The following GCN1 variants were observed in gnomAD, a reference collection of about 807,000 sequenced individuals.
GCN1 encodes the protein GCN1 activator of EIF2AK4, also known as stalled ribosome sensor GCN1.
A neutral mutation model predicts 288.4 loss-of-function variants in GCN1; 90 were observed. That is an observed-to-expected ratio of 0.31 (90% CI 0.26 to 0.37). The LOEUF (loss-of-function observed/expected upper bound fraction) is 0.37, where lower values mean the gene tolerates loss of function less well. GCN1 is among the 10% of genes least tolerant of loss of function. The probability of loss-of-function intolerance (pLI) is 1.00; values close to 1 mark genes in which losing one functional copy is unlikely to be tolerated. For synonymous variants in GCN1, 1,386 were observed against 1,420.2 expected (o/e 0.98, Z 0.54); for missense variants, 2,586 against 3,419.9 (o/e 0.76, Z 6.08).
intron 12 of GCN1, among the ~76,000 whole-genome samples, chr12:120,174,505 C>G (rs1878414316): frequency 6.6e-6 from 1 of 152,108 alleles, no homozygotes; most frequent in African/African-American, 2.4e-5. Context: ...AGCTTATCTA[C>G]TACTAGGCCA....
Position 120,151,185 on chromosome 12 carries a change from A to C in GCN1, c.4269T>G (p.Thr1423=). The change falls in exon 34 of 58, where the codon ACT becomes ACG. Residue 1423 remains threonine, a synonymous_variant. Coordinates refer to ENST00000300648, the MANE Select transcript of GCN1 (RefSeq NM_006836.2). ...AGTTCTTCTTATCTTGGATGGCATC[A>C]GTCAGTGCCGCCATCATCTCCTGTT... ...LKQQEMMAAL[T]DAIQDKKNFR... The C allele has an allele frequency of 6.2e-7, 1 of 1,614,084 alleles. No individual in the cohort carries two copies. The highest frequency in any genetic ancestry group is 8.5e-7 in the Non-Finnish European group (1 of 1,180,020).
rs750058877 is a variant in GCN1, at chr12:120,144,325, C to G, written c.5476G>C (p.Asp1826His). The change falls in exon 42 of 58, where the codon GAT (aspartate) becomes CAT (histidine). Residue 1826 changes from aspartate (D) to histidine (H), a missense_variant. By Grantham distance (81) the Asp-to-His change is moderately conservative. Coordinates refer to ENST00000300648, the MANE Select transcript of GCN1 (RefSeq NM_006836.2). The surrounding 1 kb of genome is among the most constrained non-coding windows in gnomAD (Gnocchi z 4.7). ...TCTCACCTGATTCTCCAAAGGTCAT[C>G]AAAGAGGCCTTGCTCTAGCTGGGGC... ...LLPQLEQGLF[D>H]DLWRIRFSSV... 2.5e-6 allele frequency: 4 copies of G among 1,614,094 alleles called. No individual in the cohort carries two copies. Among genetic ancestry groups the G allele is most frequent in the Non-Finnish European group, 3.4e-6 (4 of 1,180,040 alleles).
chr12:120,185,027 G>A (rs1878777405), intron 2 of GCN1, 140 bp from the exon 3 acceptor site: 1 of 648,914 alleles, frequency 1.5e-6, no homozygotes, highest in Non-Finnish European at 2.8e-6. Flanking sequence ...AGAGGAAAAA[G>A]CAACAACAAA....
In GCN1 at chr12:120,184,109, T is replaced by C; in HGVS notation, c.317+3A>G. The C allele has an allele frequency of 6.2e-7, 1 of 1,611,338 alleles. No homozygotes were observed. The highest frequency in any genetic ancestry group is 1.1e-5 in the South Asian group (1 of 90,866). On this transcript the variant is annotated splice_donor_region_variant and intron_variant, in intron 4 of 57. Transcript: ENST00000300648. ...TCAGGGGGCCACAACTTTTACCTCT[T>C]ACCTGGGAACACCTGCTTTGGAGCC...
chr12:120,133,109 G>A (rs1051595454), intron 53 of GCN1, among the ~76,000 whole-genome samples: 2 of 152,208 alleles, frequency 1.3e-5, no homozygotes, highest in South Asian at 2.1e-4. Context: ...GCTGGAGTCC[G>A]ACAGCTGGCG....
chr12:120,142,642 C>T lies in GCN1; in HGVS notation c.5694G>A (p.Leu1898=), dbSNP rs369342369. 76 of 1,613,966 alleles carry T rather than the reference C, an allele frequency of 4.7e-5. No homozygotes were observed. The highest frequency in any genetic ancestry group is 6.3e-5 in the Non-Finnish European group (74 of 1,180,026). ...CATGCAGGGACGCCTGCCGCACCAC[C>T]AGCTGGGTGTCTGAGCGGCCCATGT... The part of the protein sequence containing the change: ...GLYMGRSDTQ[L]VVRQASLHVW... Residue 1898 remains leucine (L), a synonymous_variant, in exon 44 of 58, where the codon CTG becomes CTA. Coordinates refer to ENST00000300648, the MANE Select transcript of GCN1 (RefSeq NM_006836.2). The surrounding 1 kb of genome is among the most constrained non-coding windows in gnomAD (Gnocchi z 4.9).
At chr12:120,160,947 A>G (rs1433580977) in intron 22 of GCN1, among the ~76,000 whole-genome samples, 1 of 152,216 alleles carries the variant, frequency 6.6e-6, no homozygotes, top group Non-Finnish European at 1.5e-5. Flanking sequence ...GATAGGGTGG[A>G]CAAGCTGGCC....
intron 45 of GCN1, 23 bp downstream of exon 45, chr12:120,140,836 C>T (rs1412538929): frequency 2.5e-6 from 4 of 1,607,766 alleles, no homozygotes; most frequent in East Asian, 4.5e-5. Context: ...GCACAGCTGG[C>T]GGGATCCTTG....
chr12:120,157,009 G>A lies in GCN1; in HGVS notation c.3088-17C>T. 3 of 1,589,512 alleles carry A rather than the reference G, an allele frequency of 1.9e-6. No individual in the cohort carries two copies. Among genetic ancestry groups the A allele is most frequent in the Admixed American group, 3.3e-5 (2 of 59,956 alleles). ...CGGGCCATTCTAGGAGAGAACGGCA[G>A]GTAAGTCGAGATGAGGCTGTGGGGA... On this transcript the variant is annotated splice_polypyrimidine_tract_variant and intron_variant, in intron 26 of 57. Transcript: ENST00000300648.
In GCN1 at chr12:120,137,121, T is replaced by C. The variant is rs1007746276; in HGVS notation, c.6777+85A>G. ...CCACGGCTACTGCTCCAGCAGCCCC[T>C]ACCGCAGACCTGGGACAGGGGTAAG... On this transcript the variant is annotated intron_variant, in intron 50 of 57. Transcript: ENST00000300648. This position sits in a 1 kb window ranked among gnomAD's most constrained non-coding sequence, Gnocchi z 5.2. 19 of 937,164 alleles carry C rather than the reference T, an allele frequency of 2.0e-5. No homozygotes were observed. The highest frequency in any genetic ancestry group is 3.1e-5 in the Non-Finnish European group (18 of 572,952). 58.1% of individuals were successfully genotyped at this position (937,164 alleles called of 1,614,324 possible). A position where few individuals can be genotyped will look rare whatever the true frequency, so the allele number is the denominator to read the frequency against.
At chr12:120,154,853 C>T in intron 31 of GCN1, 117 bp downstream of exon 31, 1 of 1,232,690 alleles carries the variant, frequency 8.1e-7, no homozygotes, top group Non-Finnish European at 1.2e-6. Flanking sequence ...GCCTCCCCGA[C>T]TCTGAGGGAG....
At chr12:120,140,453 GCA>G (rs1338404407) in intron 45 of GCN1, among the ~76,000 whole-genome samples, 1 of 152,128 alleles carries the variant, frequency 6.6e-6, no homozygotes, top group Non-Finnish European at 1.5e-5. Flanking sequence ...AAGGGTGAGT[GCA>G]CACCCCCTCC....
chr12:120,161,658 A>G, intron 21 of GCN1, 75 bp from the exon 22 acceptor site: 2 of 1,118,876 alleles, frequency 1.8e-6, no homozygotes, highest in Admixed American at 1.7e-5. Flanking sequence ...CAGCCATGCA[A>G]TTCCAACTAG....
In GCN1 at chr12:120,142,445, C is replaced by T; in HGVS notation, c.5829+62G>A. ...CTTTCCCAGGCTCTGCAGACCCAGCCTTCTAGGCTCTGAAAGGAGGCACTG... is the reference window on the plus strand; with the variant it reads ...CTTTCCCAGGCTCTGCAGACCCAGCTTTCTAGGCTCTGAAAGGAGGCACTG... On this transcript the variant is annotated intron_variant, in intron 44 of 57. Coordinates refer to ENST00000300648, the MANE Select transcript of GCN1 (RefSeq NM_006836.2). The surrounding 1 kb of genome is among the most constrained non-coding windows in gnomAD (Gnocchi z 4.9). The T allele has an allele frequency of 7.9e-7, 1 of 1,258,582 alleles. No homozygotes were observed. The highest frequency in any genetic ancestry group is 1.2e-6 in the Non-Finnish European group (1 of 859,388). 78.0% of individuals were successfully genotyped at this position (1,258,582 alleles called of 1,614,324 possible). A position where few individuals can be genotyped will look rare whatever the true frequency, so the allele number is the denominator to read the frequency against.
Position 120,162,068 on chromosome 12 carries a change from A to G in GCN1, c.2164-10T>C, listed in dbSNP as rs1877949781. 6.2e-7 allele frequency: 1 copy of G among 1,610,852 alleles called. No individual in the cohort carries two copies. The highest frequency in any genetic ancestry group is 8.5e-7 in the Non-Finnish European group (1 of 1,179,684). On this transcript the variant is annotated splice_polypyrimidine_tract_variant and intron_variant, in intron 20 of 57. Transcript: ENST00000300648. ...TGGCATTCATGGAGGACTGCCAGAC[A>G]AACGCAGACATGGTCAGTGTGTGCC...
intron 2 of GCN1, among the ~76,000 whole-genome samples, chr12:120,189,056 G>C (rs552055685): frequency 4.6e-5 from 7 of 152,186 alleles, no homozygotes; most frequent in South Asian, 2.1e-4. Flanking sequence ...GTGCAGGGAG[G>C]GGGGAAGAAG....
At position 120,174,183 on chromosome 12, in the gene GCN1, T is replaced by G; in HGVS notation, c.1094-14A>C. 1 of 1,456,610 alleles carries G rather than the reference T, an allele frequency of 6.9e-7. No individual in the cohort carries two copies. The highest frequency in any genetic ancestry group is 1.1e-5 in the South Asian group (1 of 87,874). The allele number at this position is 1,456,610 out of a possible 1,614,324, so 90.2% of individuals were successfully genotyped here. On this transcript the variant is annotated splice_polypyrimidine_tract_variant and intron_variant, in intron 12 of 57. Coordinates refer to ENST00000300648, the MANE Select transcript of GCN1 (RefSeq NM_006836.2). ...CGCTCCCAATCCCTAAAAGGCAGAT[T>G]CCCTGTTCAGTCTCTTATCAGCACA...
At chr12:120,157,022 G>A (rs1877770674) in intron 26 of GCN1, 30 bp from the exon 27 acceptor site, 1 of 1,511,076 alleles carries the variant, frequency 6.6e-7, no homozygotes, top group Non-Finnish European at 9.2e-7. Flanking sequence ...AAGTCGAGAT[G>A]AGGCTGTGGG....
At chr12:120,170,050 AC>A (rs1401053122) in intron 15 of GCN1, 118 bp downstream of exon 15, 2 of 847,316 alleles carry the variant, frequency 2.4e-6, no homozygotes, top group Non-Finnish European at 3.8e-6. Context: ...TGACAAGCAA[AC>A]CTGTGGCTGA....
Sources: gnomAD v4.1 joint callset for allele counts (sites outside exome capture counted in the v4.1 genomes callset) on GRCh38, gnomAD v4.1.1 for gene constraint, Gnocchi (gnomAD v3.1) non-coding constraint, MANE v1.5 for transcripts, NCBI Gene and HGNC (gene_info 2026-07-23, HGNC 2026-07-21) for gene names.